The following PSD3 variants were observed in gnomAD, a reference collection of about 807,000 sequenced individuals.
PSD3 encodes PH and SEC7 domain-containing protein 3.
A neutral mutation model predicts 105.5 loss-of-function variants in PSD3; 49 were observed. That is an observed-to-expected ratio of 0.46 (90% CI 0.37 to 0.59). PSD3 has a LOEUF of 0.59. Among genes scored for constraint, PSD3 ranks in the 20% least tolerant of loss-of-function variants. The pLI is 0.00. For missense variants in PSD3, 1,561 were observed against 1,263.8 expected, an observed-to-expected ratio of 1.24 and a Z score of -3.57; for synonymous variants, 557 against 457.8, an observed-to-expected ratio of 1.22 and a Z score of -2.77.
Position 18,535,861 on chromosome 8 carries a change from T to G in PSD3, c.3026A>C (p.His1009Pro), listed in dbSNP as rs199928869. The change falls in exon 16 of 16, where the codon CAC (histidine) becomes CCC (proline). Residue 1009 changes from histidine to proline, a missense_variant. Physicochemically the swap from His to Pro is moderately conservative, Grantham distance 77. Transcript: ENST00000327040. ...ATCCGGGTTCAGCGAAGGACTCGAG[T>G]GCGACTTCTTCAGTCCTGCAGCCTC... ...ESEAAGLKKS[H>P]SSPSLNPDTS... 2.5e-6 allele frequency: 4 copies of G among 1,613,956 alleles called. No homozygotes were observed. In the African/African-American group the frequency reaches 5.3e-5, roughly 22 times the overall value.
intron 1 of PSD3, among the ~76,000 whole-genome samples, chr8:19,075,294 G>C (rs1008155632): frequency 6.6e-6 from 1 of 152,136 alleles, no homozygotes; most frequent in Non-Finnish European, 1.5e-5. Flanking sequence ...TGTAGAGATA[G>C]TCTCTTACTC....
At chr8:18,662,673 A>G (rs1356604359) in intron 9 of PSD3, among the ~76,000 whole-genome samples, 2 of 152,176 alleles carry the variant, frequency 1.3e-5, no homozygotes, top group Admixed American at 6.5e-5. Context: ...GCCCCCTTCC[A>G]GATCTACTAT....
At chr8:18,843,058 A>G (rs974535974) in intron 4 of PSD3, among the ~76,000 whole-genome samples, 3 of 152,198 alleles carry the variant, frequency 2.0e-5, no homozygotes, top group Non-Finnish European at 4.4e-5. Flanking sequence ...AGCTGTTAAT[A>G]AAAACATAAA....
At chr8:18,602,705 G>A (rs1372159712) in intron 11 of PSD3, among the ~76,000 whole-genome samples, 1 of 151,942 alleles carries the variant, frequency 6.6e-6, no homozygotes, top group Non-Finnish European at 1.5e-5. Flanking sequence ...AGAATTCAGG[G>A]GAAGAAGGGA....
At chr8:18,696,494 T>TAAA (rs1172854900) in intron 9 of PSD3, among the ~76,000 whole-genome samples, 1 of 152,236 alleles carries the variant, frequency 6.6e-6, no homozygotes, top group Non-Finnish European at 1.5e-5. Context: ...TGGCCTGTTT[T>TAAA]ACTAAGCAGC....
At chr8:18,774,406 T>G (rs116519021) in intron 8 of PSD3, 1 of 163,966 alleles carries the variant, frequency 6.1e-6, no homozygotes, top group East Asian at 1.9e-4. Context: ...CCAGTTATTT[T>G]AAGATATACA....
chr8:18,596,031 G>C (rs563355023), intron 12 of PSD3, among the ~76,000 whole-genome samples: 12 of 151,910 alleles, frequency 7.9e-5, no homozygotes, highest in Non-Finnish European at 1.5e-4. Context: ...CCAAATTTAA[G>C]AAGACTGAAA....
At chr8:18,565,015 T>C (rs1232067044) in intron 14 of PSD3, among the ~76,000 whole-genome samples, 2 of 152,190 alleles carry the variant, frequency 1.3e-5, no homozygotes, top group Non-Finnish European at 2.9e-5. Context: ...TGGGGCACCA[T>C]TCTCTAAAGA....
At chr8:18,816,561 A>G (rs1812239582) in intron 4 of PSD3, among the ~76,000 whole-genome samples, 1 of 152,260 alleles carries the variant, frequency 6.6e-6, no homozygotes, top group African/African-American at 2.4e-5. Context: ...TTGCATAATT[A>G]AGTATACACA....
chr8:18,574,352 T>C (rs762620250), intron 13 of PSD3, among the ~76,000 whole-genome samples: 3 of 152,196 alleles, frequency 2.0e-5, no homozygotes, highest in Non-Finnish European at 4.4e-5. Flanking sequence ...CCTTAGTTAT[T>C]ACATCTGGTA....
intron 1 of PSD3, among the ~76,000 whole-genome samples, chr8:19,040,825 C>T (rs1344720207): frequency 6.6e-6 from 1 of 152,116 alleles, no homozygotes; most frequent in Admixed American, 6.5e-5. Flanking sequence ...TGTTCTTGGA[C>T]CACAGGTTAT....
At chr8:18,984,977 A>G (rs1221090951) in intron 1 of PSD3, among the ~76,000 whole-genome samples, 2 of 152,314 alleles carry the variant, frequency 1.3e-5, no homozygotes, top group East Asian at 3.9e-4. Context: ...TCTGTTGCCC[A>G]GGCTGGAGTA....
rs140945244 is a variant in PSD3, at chr8:18,666,411, G to A, written c.2173-10726C>T. On this transcript the variant is annotated intron_variant, in intron 9 of 15. Transcript: ENST00000327040. Reference sequence around the variant, plus strand: ...AAAAATTCCTGTGGCTTGCTTTATCGCGGTATTTGTTTTATTGCTGTGGTC... The same window carrying A: ...AAAAATTCCTGTGGCTTGCTTTATCACGGTATTTGTTTTATTGCTGTGGTC... Among the ~76,000 whole-genome samples, 70 of 152,270 alleles carry A rather than the reference G, an allele frequency of 4.6e-4. 1 individual carries two copies. In the East Asian group the frequency reaches 7.7e-3, roughly 17 times the overall value.
intron 1 of PSD3, among the ~76,000 whole-genome samples, chr8:19,057,230 GA>G: frequency 6.6e-6 from 1 of 152,078 alleles, no homozygotes; most frequent in African/African-American, 2.4e-5. Context: ...ATTTGAACAA[GA>G]AATTTCTCTA....
intron 9 of PSD3, among the ~76,000 whole-genome samples, chr8:18,683,126 T>A (rs1295697728): frequency 6.6e-6 from 1 of 152,214 alleles, no homozygotes; most frequent in East Asian, 1.9e-4. Flanking sequence ...CCCTTCACAT[T>A]TCACACGAAC....
intron 4 of PSD3, among the ~76,000 whole-genome samples, chr8:18,810,439 A>G (rs1811597251): frequency 6.6e-6 from 1 of 152,112 alleles, no homozygotes; most frequent in Non-Finnish European, 1.5e-5. Context: ...AAAACAATAT[A>G]CTCAATAGTG....
intron 4 of PSD3, among the ~76,000 whole-genome samples, chr8:18,845,638 T>C (rs1815022918): frequency 6.6e-6 from 1 of 152,054 alleles, no homozygotes; most frequent in Non-Finnish European, 1.5e-5. Context: ...GCAGCATCAA[T>C]TAGAAATAGC....
chr8:18,865,180 G>C (rs1395045665), intron 4 of PSD3: 20 of 129,660 alleles, frequency 1.5e-4, no homozygotes, highest in Non-Finnish European at 1.6e-5. Context: ...CAGCCACGTG[G>C]CTTTGGGTAA....
chr8:18,961,464 G>C (rs1225941924), intron 1 of PSD3, among the ~76,000 whole-genome samples: 1 of 152,128 alleles, frequency 6.6e-6, no homozygotes, highest in Admixed American at 6.5e-5. Flanking sequence ...CAAGGCGGGC[G>C]GATCATCTAA....
Sources: gnomAD v4.1 joint callset for allele counts (sites outside exome capture counted in the v4.1 genomes callset) on GRCh38, gnomAD v4.1.1 for gene constraint, MANE v1.5 for transcripts, NCBI Gene and HGNC (gene_info 2026-07-23, HGNC 2026-07-21) for gene names.